CEP85L: variants seen among roughly 807,000 people sequenced by gnomAD.
CEP85L encodes the protein centrosomal protein 85L.
Under a neutral mutation model 100.3 loss-of-function variants are expected in CEP85L, and 60 were observed. That is an observed-to-expected ratio of 0.60 (90% CI 0.49 to 0.74). CEP85L has a LOEUF of 0.74. Among genes scored for constraint, CEP85L ranks in the 30% least tolerant of loss-of-function variants. The probability of loss-of-function intolerance (pLI) is 0.00; values close to 1 mark genes in which losing one functional copy is unlikely to be tolerated. For missense variants in CEP85L, 973 were observed against 936.2 expected, an observed-to-expected ratio of 1.04 and a Z score of -0.51; for synonymous variants, 319 against 322.7, an observed-to-expected ratio of 0.99 and a Z score of 0.12.
At chr6:118,622,230 G>A (rs1773493047) in intron 2 of CEP85L, among the ~76,000 whole-genome samples, 1 of 152,150 alleles carries the variant, frequency 6.6e-6, no homozygotes, top group African/African-American at 2.4e-5. Context: ...GATGTAAGTG[G>A]CATATTAAAT....
intron 7 of CEP85L, among the ~76,000 whole-genome samples, chr6:118,482,644 A>G (rs546874704): frequency 6.6e-6 from 1 of 152,158 alleles, no homozygotes; most frequent in East Asian, 1.9e-4. Context: ...GCTATTGTGA[A>G]TAATCACATT....
At position 118,660,751 on chromosome 6, in the gene CEP85L, G is replaced by A. The variant is rs189069681; in HGVS notation, c.-27-7943C>T. Among the ~76,000 whole-genome samples the A allele has an allele frequency of 6.5e-4, 99 of 152,166 alleles. 1 individual carries two copies. The highest frequency in any genetic ancestry group is 2.2e-3 in the African/African-American group (90 of 41,502). ...TTTGAAGATACTCTCATTCCACTAC[G>A]CCTGGGGCCATGTAATGTCTGTAAT... On this transcript the variant is annotated intron_variant, in intron 1 of 13. Coordinates refer to the CEP85L transcript ENST00000368488.
At chr6:118,483,924 C>CT (rs2114549630) in intron 6 of CEP85L, 66 bp from the exon 7 acceptor site, 1 of 1,427,294 alleles carries the variant, frequency 7.0e-7, no homozygotes. Flanking sequence ...AAAACCAACA[C>CT]TTTAATATTA....
chr6:118,519,432 CTGTG>C (rs546998242), intron 4 of CEP85L, among the ~76,000 whole-genome samples: 322 of 23,944 alleles, frequency 0.013, 12 homozygotes, highest in African/African-American at 0.037. Flanking sequence ...GAGCAAAACT[CTGTG>C]TGTGTGTGTG....
chr6:118,600,300 G>GGGGGGGGGTGTGTGT (rs1562297733), intron 2 of CEP85L, among the ~76,000 whole-genome samples: 2 of 52,234 alleles, frequency 3.8e-5, no homozygotes, highest in Non-Finnish European at 4.0e-5. Context: ...CCTTCCTGGG[G>GGGGGGGGGTGTGTGT]GTGTGTGTGT....
intron 5 of CEP85L, among the ~76,000 whole-genome samples, chr6:118,494,225 A>G (rs957053966): frequency 6.6e-6 from 1 of 152,164 alleles, no homozygotes; most frequent in Non-Finnish European, 1.5e-5. Context: ...CGGGGACCCA[A>G]TCATACAGGA....
intron 1 of CEP85L, among the ~76,000 whole-genome samples, chr6:118,678,333 T>C (rs73768515): frequency 0.047 from 7,221 of 152,248 alleles, 340 homozygotes; most frequent in African/African-American, 0.11. Context: ...CAAGATGTCT[T>C]TGGAAGGAAG....
chr6:118,579,216 C>CA (rs1258080222), intron 2 of CEP85L, among the ~76,000 whole-genome samples: 1 of 150,762 alleles, frequency 6.6e-6, no homozygotes, highest in Non-Finnish European at 1.5e-5. Context: ...TTTTAAAAAT[C>CA]AAAAAACAAA....
chr6:118,544,621 T>C (rs1204492168), intron 3 of CEP85L, among the ~76,000 whole-genome samples: 1 of 152,178 alleles, frequency 6.6e-6, no homozygotes. Context: ...CCTCTCTTAA[T>C]GTCAATGCTC....
intron 6 of CEP85L, among the ~76,000 whole-genome samples, chr6:118,484,597 T>C (rs1180754270): frequency 2.0e-5 from 3 of 152,200 alleles, no homozygotes; most frequent in Non-Finnish European, 2.9e-5. Context: ...CAATTTAGTA[T>C]GGAACAATGT....
At chr6:118,651,154 G>A in intron 1 of CEP85L, 43 bp downstream of exon 1, 1 of 1,478,036 alleles carries the variant, frequency 6.8e-7, no homozygotes, top group Non-Finnish European at 8.9e-7. Flanking sequence ...GCCGCGGTCG[G>A]CCGTGACCCC....
At chr6:118,633,392 G>A (rs1042888782) in intron 1 of CEP85L, among the ~76,000 whole-genome samples, 33 of 152,120 alleles carry the variant, frequency 2.2e-4, no homozygotes, top group African/African-American at 7.5e-4. Flanking sequence ...TTTTAGTAGA[G>A]ATGAGGTTTC....
chr6:118,620,290 T>C (rs1773353093), intron 2 of CEP85L, among the ~76,000 whole-genome samples: 1 of 152,130 alleles, frequency 6.6e-6, no homozygotes, highest in African/African-American at 2.4e-5. Context: ...TTATTAAACC[T>C]GGTGACCTTG....
chr6:118,683,615 C>G (rs1420585464), intron 1 of CEP85L, among the ~76,000 whole-genome samples: 4 of 152,168 alleles, frequency 2.6e-5, no homozygotes, highest in Non-Finnish European at 5.9e-5. Context: ...ACATAGGTAA[C>G]AGATCAATGT....
chr6:118,564,766 T>C (rs2114992837), intron 3 of CEP85L, among the ~76,000 whole-genome samples: 1 of 152,274 alleles, frequency 6.6e-6, no homozygotes, highest in East Asian at 1.9e-4. Flanking sequence ...TTCAGAAAAT[T>C]CTGATGATAA....
At chr6:118,706,601 CACTT>C (rs1312007065) in intron 1 of CEP85L, among the ~76,000 whole-genome samples, 4 of 152,128 alleles carry the variant, frequency 2.6e-5, no homozygotes, top group African/African-American at 9.7e-5. Flanking sequence ...TTTTATGTGC[CACTT>C]ACTTTAAATT....
chr6:118,614,570 G>A (rs1177454670), intron 2 of CEP85L, among the ~76,000 whole-genome samples: 1 of 152,182 alleles, frequency 6.6e-6, no homozygotes, highest in African/African-American at 2.4e-5. Flanking sequence ...GTGGCCGGGC[G>A]CAGTGGCTCA....
chr6:118,622,548 T>A (rs2115281174), intron 2 of CEP85L, among the ~76,000 whole-genome samples: 2 of 152,356 alleles, frequency 1.3e-5, no homozygotes, highest in South Asian at 4.1e-4. Context: ...AGAGTAAGCC[T>A]CTTCCCCCAG....
At chr6:118,682,086 A>G (rs901109659) in intron 1 of CEP85L, among the ~76,000 whole-genome samples, 1 of 152,172 alleles carries the variant, frequency 6.6e-6, no homozygotes, top group African/African-American at 2.4e-5. Context: ...ACTTCTAATC[A>G]TAATATTTCT....
Sources: allele counts gnomAD v4.1 joint callset (sites outside exome capture counted in the v4.1 genomes callset), GRCh38; gene constraint gnomAD v4.1.1; transcripts MANE v1.5; gene names NCBI Gene and HGNC (gene_info 2026-07-23, HGNC 2026-07-21).